Variants in PLB1 observed in about 807,000 individuals in gnomAD.
PLB1 encodes phospholipase B1, also known as phospholipase B1, membrane-associated.
PLB1 carries 242 observed loss-of-function variants against 227.4 expected under a neutral mutation model. The observed-to-expected ratio is 1.06, with a 90% CI of 0.96 to 1.18. The LOEUF (loss-of-function observed/expected upper bound fraction) is 1.18, where lower values mean the gene tolerates loss of function less well. PLB1 is among the 50% of genes most tolerant of loss of function. The pLI, the probability that PLB1 is intolerant of heterozygous loss-of-function variation, is 0.00. For missense variants in PLB1, 1,858 were observed against 1,816.3 expected (o/e 1.02, Z -0.42); for synonymous variants, 757 against 682.2 (o/e 1.11, Z -1.71).
chr2:28,590,439 T>C (rs1418533482), intron 29 of PLB1, among the ~76,000 whole-genome samples: 4 of 152,120 alleles, frequency 2.6e-5, no homozygotes, highest in African/African-American at 9.7e-5. Flanking sequence ...TGTCTTCATA[T>C]AGCCCCTGCC....
intron 21 of PLB1, among the ~76,000 whole-genome samples, chr2:28,575,342 C>T (rs1678748698): frequency 1.3e-5 from 2 of 152,058 alleles, no homozygotes; most frequent in South Asian, 4.2e-4. Flanking sequence ...TGTCTTTTGC[C>T]CACTTTTTGA....
At chr2:28,554,774 C>T (rs1057230587) in intron 17 of PLB1, among the ~76,000 whole-genome samples, 37 of 152,232 alleles carry the variant, frequency 2.4e-4, no homozygotes, top group African/African-American at 8.2e-4. Flanking sequence ...CAGCCAATCT[C>T]ATTAGAGCAT....
At chr2:28,549,556 C>T (rs1299301813) in intron 15 of PLB1, among the ~76,000 whole-genome samples, 1 of 151,742 alleles carries the variant, frequency 6.6e-6, no homozygotes, top group African/African-American at 2.4e-5. Context: ...GCTGGGACTA[C>T]AGGCACGTGC....
intron 49 of PLB1, among the ~76,000 whole-genome samples, chr2:28,623,093 AC>A: frequency 6.6e-6 from 1 of 152,336 alleles, no homozygotes; most frequent in East Asian, 1.9e-4. Flanking sequence ...TATGAACTGC[AC>A]TGTCTAAAGA....
chr2:28,636,053 A>ATG lies in PLB1; in HGVS notation c.4098+3020_4098+3021dup, dbSNP rs1689320568. On this transcript the variant is annotated intron_variant, in intron 56 of 57. Transcript: ENST00000327757. The stretch of plus-strand genomic sequence containing the variant: ...TATGTGTGTGTGTGTATGTATGTGT[A>ATG]TGTGTGTATGTATGTATGTATGTAT... Among the ~76,000 whole-genome samples, 7 of 38,470 alleles carry ATG rather than the reference A, an allele frequency of 1.8e-4. No homozygotes were observed. In the South Asian group the frequency reaches 8.5e-3, roughly 47 times the overall value. The allele number at this position is 38,470 out of a possible 152,430, so 25.2% of individuals were successfully genotyped here.
chr2:28,590,692 G>T (rs1287316530), intron 29 of PLB1, among the ~76,000 whole-genome samples: 1 of 152,098 alleles, frequency 6.6e-6, no homozygotes, highest in Non-Finnish European at 1.5e-5. Flanking sequence ...GTTTACGTGA[G>T]GCAGGACCAA....
intron 25 of PLB1, among the ~76,000 whole-genome samples, 185 bp downstream of exon 25, chr2:28,582,690 C>T (rs1053701431): frequency 2.6e-5 from 4 of 152,152 alleles, no homozygotes; most frequent in Non-Finnish European, 5.9e-5. Flanking sequence ...GTGTAGGCCT[C>T]AGCCCACCTC....
At chr2:28,590,464 G>A (rs1306487444) in intron 29 of PLB1, among the ~76,000 whole-genome samples, 1 of 152,156 alleles carries the variant, frequency 6.6e-6, no homozygotes, top group Non-Finnish European at 1.5e-5. Context: ...TGACAATATG[G>A]GTAGAGCGAG....
chr2:28,594,412 G>GT (rs1269766698), intron 33 of PLB1: 1 of 167,284 alleles, frequency 6.0e-6, no homozygotes, highest in Non-Finnish European at 1.3e-5. Flanking sequence ...AGGCTTCAAA[G>GT]TAAGTGGCGA....
intron 44 of PLB1, among the ~76,000 whole-genome samples, chr2:28,616,501 T>A (rs1249487147): frequency 1.3e-5 from 2 of 152,222 alleles, no homozygotes; most frequent in South Asian, 4.1e-4. Context: ...TTCAGGGGAT[T>A]TGGATGCACT....
intron 6 of PLB1, among the ~76,000 whole-genome samples, chr2:28,528,582 C>G (rs1248904444): frequency 6.6e-6 from 1 of 152,174 alleles, no homozygotes; most frequent in Non-Finnish European, 1.5e-5. Flanking sequence ...CCTTGGTGTC[C>G]CAGAACTCTG....
chr2:28,546,682 T>G (rs12714236), intron 14 of PLB1, among the ~76,000 whole-genome samples: 1 of 152,048 alleles, frequency 6.6e-6, no homozygotes, highest in African/African-American at 2.4e-5. Context: ...TCAGAGCCAG[T>G]GTAAAGGGAA....
chr2:28,559,790 C>T (rs938223780), intron 17 of PLB1, among the ~76,000 whole-genome samples: 26 of 136,550 alleles, frequency 1.9e-4, no homozygotes, highest in Non-Finnish European at 3.8e-4. Flanking sequence ...CTCGCTCTAT[C>T]TCCCAGGCTG....
chr2:28,597,034 C>T (rs1012951831), intron 33 of PLB1, among the ~76,000 whole-genome samples: 13 of 152,228 alleles, frequency 8.5e-5, no homozygotes, highest in South Asian at 6.2e-4. Context: ...GAGGCTGAGG[C>T]GGGCGAATCA....
At chr2:28,548,541 T>C in intron 14 of PLB1, 1 of 490,808 alleles carries the variant, frequency 2.0e-6, no homozygotes, top group Non-Finnish European at 4.1e-6. Flanking sequence ...CAACCTCTGC[T>C]GTGCAGCTTT....
intron 1 of PLB1, among the ~76,000 whole-genome samples, chr2:28,507,900 A>G (rs531771858): frequency 6.6e-5 from 10 of 152,206 alleles, no homozygotes; most frequent in African/African-American, 2.4e-4. Context: ...TTTTCAAGCC[A>G]TCTCGAATGT....
intron 49 of PLB1, among the ~76,000 whole-genome samples, chr2:28,623,444 G>T (rs181492201): frequency 3.3e-5 from 5 of 152,256 alleles, no homozygotes; most frequent in Admixed American, 2.0e-4. Context: ...GTCACACCTT[G>T]AACCTGTTAA....
chr2:28,517,978 A>T (rs1298969452), intron 2 of PLB1, among the ~76,000 whole-genome samples: 1 of 149,876 alleles, frequency 6.7e-6, no homozygotes, highest in African/African-American at 2.5e-5. Context: ...GGTTCAAGTG[A>T]TTCTCGTGCC....
chr2:28,542,930 C>T lies in PLB1; in HGVS notation c.880-282C>T, dbSNP rs1292651370. Among the ~76,000 whole-genome samples, 40 of 152,206 alleles carry T rather than the reference C, an allele frequency of 2.6e-4. 1 individual carries two copies. The highest frequency in any genetic ancestry group is 2.6e-3 in the Admixed American group (40 of 15,284). ...TACTCAGATCACACCTGAATCATTCCCTGCCACCCCCTCCTTCCACTGTTT... is the reference window on the plus strand; with the variant it reads ...TACTCAGATCACACCTGAATCATTCTCTGCCACCCCCTCCTTCCACTGTTT... On this transcript the variant is annotated intron_variant, in intron 13 of 57. Coordinates refer to ENST00000327757, the MANE Select transcript of PLB1 (RefSeq NM_153021.5).
Sources: allele counts gnomAD v4.1 joint callset (sites outside exome capture counted in the v4.1 genomes callset), GRCh38; gene constraint gnomAD v4.1.1; transcripts MANE v1.5; gene names NCBI Gene and HGNC (gene_info 2026-07-23, HGNC 2026-07-21).